Variants in KCNQ5 observed in about 807,000 individuals in gnomAD.
KCNQ5 encodes potassium voltage-gated channel subfamily KQT member 5.
KCNQ5 carries 30 observed loss-of-function variants against 98.2 expected under a neutral mutation model. The observed-to-expected ratio is 0.31, with a 90% CI of 0.23 to 0.41. KCNQ5 has a LOEUF of 0.41. Ranked by LOEUF, KCNQ5 falls within the 10% of genes least tolerant of loss-of-function variation. The pLI is 1.00. For missense variants in KCNQ5, 835 were observed against 1,182.5 expected, an observed-to-expected ratio of 0.71 and a Z score of 4.31; for synonymous variants, 458 against 449.4, an observed-to-expected ratio of 1.02 and a Z score of -0.24.
intron 1 of KCNQ5, among the ~76,000 whole-genome samples, chr6:72,825,230 A>G (rs1418679029): frequency 1.3e-5 from 2 of 151,932 alleles, no homozygotes; most frequent in Non-Finnish European, 2.9e-5. Context: ...TTGCAAAGAG[A>G]GCAACATCCA....
chr6:72,739,764 A>G (rs1030823563), intron 1 of KCNQ5, among the ~76,000 whole-genome samples: 2 of 152,238 alleles, frequency 1.3e-5, no homozygotes, highest in African/African-American at 4.8e-5. Flanking sequence ...TCTACTGACT[A>G]TTCGATAGTC....
chr6:72,940,869 T>C (rs1157291796), intron 1 of KCNQ5, among the ~76,000 whole-genome samples: 1 of 152,176 alleles, frequency 6.6e-6, no homozygotes, highest in Non-Finnish European at 1.5e-5. Flanking sequence ...ATGCAAAGTA[T>C]TTAGAGAAAT....
Position 72,622,501 on chromosome 6 carries a change from C to A in KCNQ5, c.312C>A (p.Arg104=), listed in dbSNP as rs1360828764. 1.9e-6 allele frequency: 3 copies of A among 1,610,548 alleles called. No individual in the cohort carries two copies. The highest frequency in any genetic ancestry group is 3.3e-5 in the Admixed American group (2 of 59,882). ...ACACGAGTAGCCAGAGCTGCCGGCG[C>A]AACGTCAAGTACCGGCGGGTGCAGA... ...LSYTSSQSCR[R]NVKYRRVQNY... The change falls in exon 1 of 14, where the codon CGC becomes CGA. Residue 104 remains arginine, a synonymous_variant. Coordinates refer to ENST00000370398, the MANE Select transcript of KCNQ5 (RefSeq NM_019842.4). This position sits in a 1 kb window ranked among gnomAD's most constrained non-coding sequence, Gnocchi z 6.0.
chr6:73,030,833 G>A (rs967795884), intron 2 of KCNQ5, among the ~76,000 whole-genome samples: 130 of 152,250 alleles, frequency 8.5e-4, no homozygotes, highest in Middle Eastern at 3.4e-3. Flanking sequence ...TGATCCCAAA[G>A]GTTTCCATTT....
intron 1 of KCNQ5, among the ~76,000 whole-genome samples, chr6:72,867,488 G>A (rs779319464): frequency 2.6e-5 from 4 of 152,144 alleles, no homozygotes; most frequent in African/African-American, 4.8e-5. Context: ...CATACTTGAA[G>A]AAAAATACAG....
At chr6:73,122,670 C>T (rs187216204) in intron 8 of KCNQ5, among the ~76,000 whole-genome samples, 84 of 152,310 alleles carry the variant, frequency 5.5e-4, no homozygotes, top group African/African-American at 1.9e-3. Context: ...TGCTTCATTG[C>T]TTCAAAATGC....
intron 1 of KCNQ5, among the ~76,000 whole-genome samples, chr6:72,652,551 A>G (rs1008201474): frequency 5.3e-5 from 8 of 151,878 alleles, no homozygotes; most frequent in Non-Finnish European, 1.0e-4. Flanking sequence ...ACTGGGGGTC[A>G]CTCTGGCTTT....
At chr6:72,905,743 G>A (rs1015834615) in intron 1 of KCNQ5, among the ~76,000 whole-genome samples, 2 of 152,168 alleles carry the variant, frequency 1.3e-5, no homozygotes, top group African/African-American at 2.4e-5. Context: ...GTTCTATGAT[G>A]TGAACCATCT....
intron 11 of KCNQ5, among the ~76,000 whole-genome samples, chr6:73,179,982 C>A (rs578178341): frequency 3.4e-5 from 5 of 145,872 alleles, no homozygotes; most frequent in African/African-American, 1.3e-4. Context: ...ATAATAGGCA[C>A]TCAATAAATG....
intron 1 of KCNQ5, among the ~76,000 whole-genome samples, chr6:72,785,725 G>A (rs764259064): frequency 6.6e-6 from 1 of 151,948 alleles, no homozygotes; most frequent in Non-Finnish European, 1.5e-5. Context: ...GGCAGAATTT[G>A]TGTATTTTTC....
intron 1 of KCNQ5, among the ~76,000 whole-genome samples, chr6:72,758,018 G>C (rs1400681371): frequency 6.6e-6 from 1 of 151,938 alleles, no homozygotes; most frequent in African/African-American, 2.4e-5. Context: ...TCTGGTAAAG[G>C]GATATACAGA....
At chr6:73,103,096 C>T (rs559208142) in intron 5 of KCNQ5, among the ~76,000 whole-genome samples, 69 of 152,258 alleles carry the variant, frequency 4.5e-4, no homozygotes, top group African/African-American at 1.6e-3. Context: ...GGCATATATA[C>T]ACAATGGAGT....
At chr6:72,723,641 CTTTTCCT>C (rs1770093637) in intron 1 of KCNQ5, among the ~76,000 whole-genome samples, 1 of 151,956 alleles carries the variant, frequency 6.6e-6, no homozygotes. Flanking sequence ...TTGCTTCTTT[CTTTTCCT>C]TTTTCCTTCC....
chr6:73,056,439 AC>A (rs1772498082), intron 3 of KCNQ5, among the ~76,000 whole-genome samples: 1 of 152,206 alleles, frequency 6.6e-6, no homozygotes. Flanking sequence ...ATAATACAAA[AC>A]AATAACCCTT....
At chr6:72,735,694 T>C (rs1330479586) in intron 1 of KCNQ5, among the ~76,000 whole-genome samples, 1 of 152,048 alleles carries the variant, frequency 6.6e-6, no homozygotes, top group Non-Finnish European at 1.5e-5. Context: ...TTACTATTGG[T>C]GACTAGTAGT....
chr6:73,151,559 C>A (rs1453841971), intron 10 of KCNQ5, among the ~76,000 whole-genome samples: 1 of 152,148 alleles, frequency 6.6e-6, no homozygotes, highest in African/African-American at 2.4e-5. Flanking sequence ...TAAATAAATA[C>A]CTTGTTCATT....
intron 1 of KCNQ5, among the ~76,000 whole-genome samples, chr6:72,966,544 G>A (rs141473476): frequency 5.5e-4 from 83 of 151,902 alleles, no homozygotes; most frequent in African/African-American, 1.8e-3. Context: ...CTTCAGCCTC[G>A]GTGACAAGAG....
chr6:72,968,384 TATC>T (rs922510247), intron 1 of KCNQ5, among the ~76,000 whole-genome samples: 1 of 151,806 alleles, frequency 6.6e-6, no homozygotes, highest in Non-Finnish European at 1.5e-5. Flanking sequence ...AGAAGAGAAA[TATC>T]ATTATGATCT....
At chr6:72,775,753 A>T (rs374490975) in intron 1 of KCNQ5, among the ~76,000 whole-genome samples, 5 of 152,152 alleles carry the variant, frequency 3.3e-5, no homozygotes, top group African/African-American at 1.2e-4. Context: ...CAGTCCCATC[A>T]TGGTAACATC....
Sources: gnomAD v4.1 joint callset for allele counts (sites outside exome capture counted in the v4.1 genomes callset) on GRCh38, gnomAD v4.1.1 for gene constraint, Gnocchi (gnomAD v3.1) non-coding constraint, MANE v1.5 for transcripts, NCBI Gene and HGNC (gene_info 2026-07-23, HGNC 2026-07-21) for gene names.